The following TENM4 variants were observed in gnomAD, a reference collection of about 807,000 sequenced individuals.
TENM4 encodes teneurin transmembrane protein 4.
A neutral mutation model predicts 243.3 loss-of-function variants in TENM4; 82 were observed. That is an observed-to-expected ratio of 0.34 (90% CI 0.28 to 0.40). TENM4 has a LOEUF of 0.40. Among genes scored for constraint, TENM4 ranks in the 10% least tolerant of loss-of-function variants. The pLI, the probability that TENM4 is intolerant of heterozygous loss-of-function variation, is 1.00. For missense variants in TENM4, 3,138 were observed against 3,673.3 expected (o/e 0.85, Z 3.77); for synonymous variants, 1,412 against 1,456.3 (o/e 0.97, Z 0.69).
chr11:79,213,566 C>T (rs1863991548), intron 3 of TENM4, among the ~76,000 whole-genome samples: 2 of 152,178 alleles, frequency 1.3e-5, no homozygotes, highest in South Asian at 4.1e-4. Context: ...AAACGTCTTT[C>T]CTCCTCCAAT....
chr11:79,307,438 G>A (rs576744301), intron 1 of TENM4, among the ~76,000 whole-genome samples: 65 of 152,220 alleles, frequency 4.3e-4, no homozygotes, highest in African/African-American at 1.5e-3. Flanking sequence ...CTAGATCTAA[G>A]CCATCTTTGA....
chr11:79,392,154 A>T (rs981509823), intron 1 of TENM4, among the ~76,000 whole-genome samples: 3 of 152,228 alleles, frequency 2.0e-5, no homozygotes, highest in Non-Finnish European at 2.9e-5. Flanking sequence ...ACTCTGAAGG[A>T]TGGGTTTGGA....
chr11:79,012,107 C>G (rs1359435039), intron 6 of TENM4, among the ~76,000 whole-genome samples: 1 of 152,132 alleles, frequency 6.6e-6, no homozygotes, highest in Non-Finnish European at 1.5e-5. Context: ...GCACATGTCT[C>G]CAGAAAAATG....
intron 4 of TENM4, among the ~76,000 whole-genome samples, chr11:79,133,927 G>A (rs924483557): frequency 5.9e-5 from 9 of 152,062 alleles, no homozygotes; most frequent in Non-Finnish European, 1.2e-4. Context: ...TTCCTTCTGA[G>A]AACTGGAATA....
At chr11:78,824,434 A>C in intron 12 of TENM4, among the ~76,000 whole-genome samples, 1 of 150,988 alleles carries the variant, frequency 6.6e-6, no homozygotes. Context: ...GATAGTACAC[A>C]CTCCCTTTTC....
intron 2 of TENM4, among the ~76,000 whole-genome samples, chr11:79,256,206 C>T (rs1855698799): frequency 6.6e-6 from 1 of 152,194 alleles, no homozygotes; most frequent in Non-Finnish European, 1.5e-5. Flanking sequence ...AGTAACTACT[C>T]CTGCCCTTTC....
At chr11:78,880,457 T>TAAAAAAA (rs71763484) in intron 9 of TENM4, among the ~76,000 whole-genome samples, 9 of 104,598 alleles carry the variant, frequency 8.6e-5, no homozygotes, top group African/African-American at 4.8e-4. Context: ...CAATAAATAC[T>TAAAAAAA]AAAAAAAAAA....
At chr11:78,992,703 G>T (rs1289135857) in intron 6 of TENM4, among the ~76,000 whole-genome samples, 1 of 152,220 alleles carries the variant, frequency 6.6e-6, no homozygotes, top group Non-Finnish European at 1.5e-5. Flanking sequence ...TAGGTTGTGA[G>T]TAGGAAGTAG....
In TENM4 at chr11:79,148,771, C is replaced by A; in HGVS notation, c.-127G>T. On this transcript the variant is annotated 5_prime_UTR_variant, in exon 4 of 34. Coordinates refer to ENST00000278550, the MANE Select transcript of TENM4 (RefSeq NM_001098816.3). ...TCCTTCAAATAATCCTTGAAGTATGCAATTTTAATTTGGACACATGGTAAT... is the reference window on the plus strand; with the variant it reads ...TCCTTCAAATAATCCTTGAAGTATGAAATTTTAATTTGGACACATGGTAAT... The A allele has an allele frequency of 4.1e-6, 4 of 982,922 alleles. No homozygotes were observed. Among genetic ancestry groups the A allele is most frequent in the Non-Finnish European group, 4.8e-6 (4 of 827,494 alleles). 60.9% of individuals were successfully genotyped at this position (982,922 alleles called of 1,614,324 possible). A position where few individuals can be genotyped will look rare whatever the true frequency, so the allele number is the denominator to read the frequency against.
intron 1 of TENM4, among the ~76,000 whole-genome samples, chr11:79,316,070 C>A (rs1423303168): frequency 6.6e-6 from 1 of 152,156 alleles, no homozygotes; most frequent in Non-Finnish European, 1.5e-5. Flanking sequence ...GCATTTTCAA[C>A]AATGTCTGAA....
At chr11:79,041,221 A>C (rs1306580032) in intron 6 of TENM4, among the ~76,000 whole-genome samples, 1 of 152,048 alleles carries the variant, frequency 6.6e-6, no homozygotes, top group Non-Finnish European at 1.5e-5. Context: ...CTGCCACTGC[A>C]CCTGGCTAAT....
intron 8 of TENM4, 84 bp downstream of exon 8, chr11:78,891,154 C>T (rs1294756251): frequency 7.7e-7 from 1 of 1,296,634 alleles, no homozygotes; most frequent in Non-Finnish European, 1.1e-6. Context: ...CAGAAGATCC[C>T]AGGGAAAGGT....
intron 4 of TENM4, among the ~76,000 whole-genome samples, chr11:79,072,455 C>T (rs865925002): frequency 4.7e-5 from 7 of 148,780 alleles, no homozygotes; most frequent in Non-Finnish European, 1.0e-4. Context: ...CCACTGTACT[C>T]CCCGCTGGGC....
intron 3 of TENM4, among the ~76,000 whole-genome samples, chr11:79,178,469 T>A (rs1328785180): frequency 6.6e-6 from 1 of 151,690 alleles, no homozygotes; most frequent in Non-Finnish European, 1.5e-5. Flanking sequence ...GAAGAACCAG[T>A]GAAAGAGGTG....
At position 78,702,106 on chromosome 11, in the gene TENM4, T is replaced by G; in HGVS notation, c.4507A>C (p.Ile1503Leu). 6.2e-7 allele frequency: 1 copy of G among 1,613,934 alleles called. No individual in the cohort carries two copies. Among genetic ancestry groups the G allele is most frequent in the Non-Finnish European group, 8.5e-7 (1 of 1,179,874 alleles). ...RIRQVTTSGE[I>L]SLVAGAPSGC... ...CTGGGGGCCCCAGCAACGAGTGAGA[T>G]CTCTCCACTAGTGGTGACCTGCCTG... The change falls in exon 28 of 34, where the codon ATC becomes CTC. Residue 1503 changes from isoleucine to leucine, a missense_variant. Ile to Leu is a conservative substitution (Grantham distance 5). Coordinates refer to ENST00000278550, the MANE Select transcript of TENM4 (RefSeq NM_001098816.3).
At chr11:79,421,547 A>G (rs1858930953) in intron 1 of TENM4, among the ~76,000 whole-genome samples, 1 of 152,200 alleles carries the variant, frequency 6.6e-6, no homozygotes, top group Admixed American at 6.5e-5. Context: ...GCTATCTCCC[A>G]GAGAGAGTTC....
intron 1 of TENM4, among the ~76,000 whole-genome samples, chr11:79,344,726 G>T (rs1857299388): frequency 6.6e-6 from 1 of 152,184 alleles, no homozygotes; most frequent in African/African-American, 2.4e-5. Flanking sequence ...GGAAAAACCA[G>T]CAGTGCAAAG....
chr11:78,987,180 G>A (rs990978172), intron 6 of TENM4, among the ~76,000 whole-genome samples: 2 of 152,110 alleles, frequency 1.3e-5, no homozygotes, highest in Non-Finnish European at 2.9e-5. Context: ...TGGTGCTGAT[G>A]ATATAATAAC....
intron 19 of TENM4, among the ~76,000 whole-genome samples, chr11:78,741,327 A>C (rs980873009): frequency 6.6e-6 from 1 of 152,176 alleles, no homozygotes; most frequent in Non-Finnish European, 1.5e-5. Context: ...AAAAGAAACA[A>C]AAAGAAAACC....
Sources: gnomAD v4.1 joint callset for allele counts (sites outside exome capture counted in the v4.1 genomes callset) on GRCh38, gnomAD v4.1.1 for gene constraint, MANE v1.5 for transcripts, NCBI Gene and HGNC (gene_info 2026-07-23, HGNC 2026-07-21) for gene names.